EFCAB5: variants seen among roughly 807,000 people sequenced by gnomAD.
EFCAB5 encodes EF-hand calcium binding domain 5.
In EFCAB5, 131 loss-of-function variants were observed where a neutral mutation model predicts 167.9. That is an observed-to-expected ratio of 0.78 (90% confidence interval 0.68 to 0.90). EFCAB5 has a LOEUF of 0.90. Ranked by LOEUF, EFCAB5 falls within the 40% of genes least tolerant of loss-of-function variation. EFCAB5 has a pLI of 0.00. For missense variants in EFCAB5, 1,663 were observed against 1,745.2 expected (o/e 0.95, Z 0.84); for synonymous variants, 574 against 602.8 (o/e 0.95, Z 0.70).
intron 22 of EFCAB5, among the ~76,000 whole-genome samples, chr17:30,101,920 T>C (rs1203829815): frequency 6.6e-6 from 1 of 152,266 alleles, no homozygotes; most frequent in Non-Finnish European, 1.5e-5. Flanking sequence ...ATACGTTCTA[T>C]GTTTACCTTG....
rs773927226 is a variant in EFCAB5 at position 30,081,046 on chromosome 17, G to T, written c.3426+65G>T. The T allele has an allele frequency of 4.4e-5, 59 of 1,331,842 alleles. 2 individuals are homozygous for T. Among genetic ancestry groups the T allele is most frequent in the Non-Finnish European group, 6.0e-5 (57 of 947,806 alleles). 82.5% of individuals were successfully genotyped at this position (1,331,842 alleles called of 1,614,324 possible). A position where few individuals can be genotyped will look rare whatever the true frequency, so the allele number is the denominator to read the frequency against. On this transcript the variant is annotated intron_variant, in intron 17 of 22. Coordinates refer to ENST00000394835, the MANE Select transcript of EFCAB5 (RefSeq NM_198529.4). ...CTCTCTTTCTAATACTTTTTAAAGA[G>T]TGAAACCTGAAATCCGATGAGAGTA...
At chr17:29,962,700 G>A (rs1240123880) in intron 3 of EFCAB5, among the ~76,000 whole-genome samples, 2 of 145,514 alleles carry the variant, frequency 1.4e-5, no homozygotes, top group East Asian at 4.1e-4. Flanking sequence ...AATAGCTCTA[G>A]TAGCTTTCTT....
chr17:30,025,859 G>T (rs1386931568), intron 7 of EFCAB5, among the ~76,000 whole-genome samples: 1 of 152,072 alleles, frequency 6.6e-6, no homozygotes. Context: ...ATGAGTTCAC[G>T]TCCTTTGTAG....
chr17:30,077,439 G>A (rs1037088557), intron 14 of EFCAB5, among the ~76,000 whole-genome samples: 4 of 152,264 alleles, frequency 2.6e-5, no homozygotes, highest in South Asian at 2.1e-4. Context: ...ATAACATTGG[G>A]AAAATTACAA....
At chr17:29,936,370 G>A (rs2067245598) in intron 1 of EFCAB5, among the ~76,000 whole-genome samples, 1 of 152,106 alleles carries the variant, frequency 6.6e-6, no homozygotes, top group Admixed American at 6.5e-5. Context: ...ATGAGTTAAT[G>A]GGTGCAGCAC....
chr17:29,947,227 C>T (rs898847485), intron 3 of EFCAB5, among the ~76,000 whole-genome samples: 6 of 151,194 alleles, frequency 4.0e-5, no homozygotes, highest in Admixed American at 1.3e-4. Flanking sequence ...TGGAATATTA[C>T]TCAGCCATAA....
At chr17:30,061,127 G>A (rs1331152004) in intron 14 of EFCAB5, among the ~76,000 whole-genome samples, 2 of 152,180 alleles carry the variant, frequency 1.3e-5, no homozygotes, top group African/African-American at 4.8e-5. Flanking sequence ...ATTAAGCCCA[G>A]CAAATGAGAA....
chr17:30,026,740 T>C (rs1382481374), intron 7 of EFCAB5, among the ~76,000 whole-genome samples: 2 of 151,998 alleles, frequency 1.3e-5, no homozygotes, highest in Non-Finnish European at 2.9e-5. Flanking sequence ...ATATTTCTTT[T>C]GTGTTTTAAT....
At chr17:29,938,382 G>A (rs935799071), upstream of EFCAB5, among the ~76,000 whole-genome samples, 7 of 152,146 alleles carry the variant, frequency 4.6e-5, no homozygotes, top group African/African-American at 1.7e-4. Flanking sequence ...ATCTTGCCTC[G>A]ATGTTGATAG....
chr17:30,036,910 G>A (rs2069644170), intron 8 of EFCAB5, among the ~76,000 whole-genome samples: 1 of 152,176 alleles, frequency 6.6e-6, no homozygotes, highest in Non-Finnish European at 1.5e-5. Flanking sequence ...GAAGGAGGTT[G>A]GAGTGTGTGT....
chr17:30,098,384 A>C (rs1199048809), intron 22 of EFCAB5, among the ~76,000 whole-genome samples: 1 of 151,460 alleles, frequency 6.6e-6, no homozygotes, highest in Admixed American at 6.6e-5. Context: ...AAAAAAAAAA[A>C]GCTGGGAGTA....
chr17:30,058,209 G>A (rs2070329523), intron 13 of EFCAB5, among the ~76,000 whole-genome samples: 1 of 152,116 alleles, frequency 6.6e-6, no homozygotes, highest in South Asian at 2.1e-4. Flanking sequence ...TTATTTGCCT[G>A]TGTGTGAGTG....
At chr17:29,986,666 T>TTTTTTTTA (rs2068290098) in intron 4 of EFCAB5, among the ~76,000 whole-genome samples, 1 of 145,412 alleles carries the variant, frequency 6.9e-6, no homozygotes, top group Non-Finnish European at 1.5e-5. Context: ...TTTTTTTTTT[T>TTTTTTTTA]GAGACGGAGT....
At chr17:30,066,339 G>A (rs1467264209) in intron 14 of EFCAB5, among the ~76,000 whole-genome samples, 1 of 152,176 alleles carries the variant, frequency 6.6e-6, no homozygotes, top group Non-Finnish European at 1.5e-5. Flanking sequence ...CGAATGAGCA[G>A]TGGGTCAATG....
Position 30,108,115 on chromosome 17 carries a change from AG to A in EFCAB5, c.*95del. The stretch of plus-strand genomic sequence containing the variant: ...AACTATAAAATATTTTCCATTGGAA[AG>A]GGGTACCTATAAATGTCTTCTGCTG... On this transcript the variant is annotated 3_prime_UTR_variant, in exon 23 of 23. Coordinates refer to ENST00000394835, the MANE Select transcript of EFCAB5 (RefSeq NM_198529.4). The A allele has an allele frequency of 7.2e-7, 1 of 1,382,366 alleles. No homozygotes were observed. Among genetic ancestry groups the A allele is most frequent in the Non-Finnish European group, 9.8e-7 (1 of 1,020,148 alleles). The allele number at this position is 1,382,366 out of a possible 1,614,324, so 85.6% of individuals were successfully genotyped here.
At chr17:30,004,128 C>A (rs747651044) in intron 7 of EFCAB5, among the ~76,000 whole-genome samples, 1 of 152,238 alleles carries the variant, frequency 6.6e-6, no homozygotes, top group African/African-American at 2.4e-5. Flanking sequence ...TCTCATAAGG[C>A]GTGAATTATT....
intron 3 of EFCAB5, among the ~76,000 whole-genome samples, chr17:29,957,113 A>C (rs190553375): frequency 6.6e-6 from 1 of 152,002 alleles, no homozygotes; most frequent in Non-Finnish European, 1.5e-5. Flanking sequence ...TATTCTGTTG[A>C]GGTATATTCC....
At chr17:29,933,482 C>G (rs951314099) in intron 1 of EFCAB5, among the ~76,000 whole-genome samples, 1 of 152,076 alleles carries the variant, frequency 6.6e-6, no homozygotes, top group Non-Finnish European at 1.5e-5. Context: ...GAGTGAAGAG[C>G]CTAGGATCCT....
intron 17 of EFCAB5, among the ~76,000 whole-genome samples, chr17:30,082,017 C>T (rs1305798548): frequency 1.3e-5 from 2 of 152,142 alleles, no homozygotes; most frequent in Non-Finnish European, 2.9e-5. Flanking sequence ...CCTAGAGTTT[C>T]CTGACAACAG....
Sources: allele counts gnomAD v4.1 joint callset (sites outside exome capture counted in the v4.1 genomes callset), GRCh38; gene constraint gnomAD v4.1.1; transcripts MANE v1.5; gene names NCBI Gene and HGNC (gene_info 2026-07-23, HGNC 2026-07-21).